STOX2: variants seen among roughly 807,000 people sequenced by gnomAD.
STOX2 encodes the protein storkhead box 2, also known as storkhead-box protein 2.
In STOX2, 28 loss-of-function variants were observed where a neutral mutation model predicts 60.9. The ratio of observed to expected loss-of-function variants is 0.46; its 90% CI spans 0.34 to 0.63. The LOEUF is 0.63. Among genes scored for constraint, STOX2 ranks in the 30% least tolerant of loss-of-function variants. The pLI is 0.01. For missense variants in STOX2, 1,024 were observed against 1,187.7 expected (o/e 0.86, Z 2.03); for synonymous variants, 472 against 463.9 (o/e 1.02, Z -0.22).
chr4:183,932,748 C>A (rs115654471), intron 1 of STOX2, among the ~76,000 whole-genome samples: 10 of 152,170 alleles, frequency 6.6e-5, no homozygotes, highest in Non-Finnish European at 1.2e-4. Flanking sequence ...GTTGAAGCAG[C>A]TGAAGTTTGG....
intron 1 of STOX2, among the ~76,000 whole-genome samples, chr4:183,884,754 A>C (rs993534325): frequency 6.6e-6 from 1 of 152,102 alleles, no homozygotes; most frequent in African/African-American, 2.4e-5. Flanking sequence ...TGTCCTCATC[A>C]CTTGTCTGTT....
At chr4:183,897,077 T>C (rs373314865) in intron 1 of STOX2, among the ~76,000 whole-genome samples, 10 of 152,328 alleles carry the variant, frequency 6.6e-5, no homozygotes, top group Admixed American at 3.3e-4. Context: ...CACTGCGGTT[T>C]CCCTGGGGCA....
Position 183,831,599 on chromosome 4 carries a change from CAATT to C in STOX2, c.364+33548_364+33551del, listed in dbSNP as rs541669807. The stretch of plus-strand genomic sequence containing the variant: ...TATTAGAATTTTGTGGTACAGTAAA[CAATT>C]AATCAACTTCTAGTTTATAAAAAAT... On this transcript the variant is annotated intron_variant, in intron 1 of 2. Coordinates refer to the STOX2 transcript ENST00000513034. Among the ~76,000 whole-genome samples, 12 of 150,194 alleles carry C rather than the reference CAATT, an allele frequency of 8.0e-5. No homozygotes were observed. In the East Asian group the frequency reaches 1.4e-3, roughly 17 times the overall value.
At chr4:183,967,085 G>A (rs905536051) in intron 1 of STOX2, among the ~76,000 whole-genome samples, 4 of 152,138 alleles carry the variant, frequency 2.6e-5, no homozygotes, top group Admixed American at 2.6e-4. Flanking sequence ...GAGAGGGGCT[G>A]GGCACGGTGG....
At chr4:183,841,179 GTATTTATTTATTTATTTATT>G (rs1553967298) in intron 1 of STOX2, among the ~76,000 whole-genome samples, 399 of 147,996 alleles carry the variant, frequency 2.7e-3, no homozygotes, top group African/African-American at 9.6e-3. Context: ...TTTCATCGTA[GTATTTATTTATTTATTTATT>G]TATTTATTTA....
chr4:183,842,957 A>G (rs556513952), intron 1 of STOX2, among the ~76,000 whole-genome samples: 9 of 152,160 alleles, frequency 5.9e-5, no homozygotes, highest in East Asian at 1.9e-4. Flanking sequence ...AGACCAGCCT[A>G]GCCAAGATGG....
intron 1 of STOX2, among the ~76,000 whole-genome samples, chr4:183,993,091 G>GGCACTTGGCCAGGGC (rs1465101406): frequency 6.6e-6 from 1 of 152,230 alleles, no homozygotes; most frequent in African/African-American, 2.4e-5. Flanking sequence ...TGGGGAAGGT[G>GGCACTTGGCCAGGGC]GCTCTTGGCC....
At chr4:183,984,503 C>T (rs1732769592) in intron 1 of STOX2, among the ~76,000 whole-genome samples, 2 of 152,198 alleles carry the variant, frequency 1.3e-5, no homozygotes, top group South Asian at 2.1e-4. Flanking sequence ...TCCATATGTA[C>T]ACAACCTTAA....
At chr4:183,837,931 G>A (rs1739755827) in intron 1 of STOX2, among the ~76,000 whole-genome samples, 1 of 152,092 alleles carries the variant, frequency 6.6e-6, no homozygotes, top group African/African-American at 2.4e-5. Flanking sequence ...GTGCAGATGT[G>A]GGTGTCTGTT....
chr4:183,891,369 T>C (rs1402657508), intron 1 of STOX2, among the ~76,000 whole-genome samples: 2 of 11,206 alleles, frequency 1.8e-4, no homozygotes, highest in Non-Finnish European at 3.5e-4. Context: ...TATATATATA[T>C]ATATATATAT....
intron 1 of STOX2, among the ~76,000 whole-genome samples, chr4:183,842,677 C>T (rs181758831): frequency 2.6e-5 from 4 of 152,190 alleles, no homozygotes; most frequent in Non-Finnish European, 5.9e-5. Flanking sequence ...TTTCATTTCA[C>T]GACATAGTGC....
At chr4:183,834,622 C>G (rs1162741433) in intron 1 of STOX2, among the ~76,000 whole-genome samples, 1 of 152,146 alleles carries the variant, frequency 6.6e-6, no homozygotes, top group Non-Finnish European at 1.5e-5. Flanking sequence ...AGTTGTCGCT[C>G]AGAATAGTCA....
rs766209874 is a variant in STOX2, at chr4:184,001,455, G to A, written c.297G>A (p.Glu99=). 5 of 1,613,818 alleles carry A rather than the reference G, an allele frequency of 3.1e-6. No individual in the cohort carries two copies. Among genetic ancestry groups the A allele is most frequent in the Non-Finnish European group, 3.4e-6 (4 of 1,179,860 alleles). ...RKPVTQEALM[E]HLTTCFPGVP... Reference sequence around the variant, plus strand: ...CTGTCACCCAAGAAGCACTGATGGAGCACCTGACCACGTGCTTCCCAGGTA... The same window carrying A: ...CTGTCACCCAAGAAGCACTGATGGAACACCTGACCACGTGCTTCCCAGGTA... The change falls in exon 2 of 4, where the codon GAG becomes GAA. Residue 99 remains glutamate, a synonymous_variant. Coordinates refer to ENST00000308497, the MANE Select transcript of STOX2 (RefSeq NM_020225.3). This position sits in a 1 kb window ranked among gnomAD's most constrained non-coding sequence, Gnocchi z 4.2.
In STOX2 at chr4:183,940,497, C is replaced by T. The variant is rs1742725758; in HGVS notation, c.166+33541C>T. On this transcript the variant is annotated intron_variant, in intron 1 of 3. Coordinates refer to ENST00000308497, the MANE Select transcript of STOX2 (RefSeq NM_020225.3). ...ACGTGGGAATTACCTGGGGCATGGC[C>T]ACCCCTCTTCCTGCTCCACACTGAT... Among the ~76,000 whole-genome samples, 6 of 152,096 alleles carry T rather than the reference C, an allele frequency of 3.9e-5. No homozygotes were observed. In the South Asian group the frequency reaches 1.2e-3, roughly 32 times the overall value.
At position 184,001,553 on chromosome 4, in the gene STOX2, GC is replaced by G; in HGVS notation, c.319+79del. ...CTCTAGGACTCACGTGGACTGTTCT[GC>G]CCATGTTTAAAGAGAATAGGAAAAC... On this transcript the variant is annotated intron_variant, in intron 2 of 3. Coordinates refer to ENST00000308497, the MANE Select transcript of STOX2 (RefSeq NM_020225.3). This position sits in a 1 kb window ranked among gnomAD's most constrained non-coding sequence, Gnocchi z 4.2. The G allele has an allele frequency of 7.0e-7, 1 of 1,420,606 alleles. No homozygotes were observed. Among genetic ancestry groups the G allele is most frequent in the Non-Finnish European group, 9.6e-7 (1 of 1,037,744 alleles). The allele number at this position is 1,420,606 out of a possible 1,614,324, so 88.0% of individuals were successfully genotyped here.
At position 184,023,249 on chromosome 4, in the gene STOX2, T is replaced by C. The variant is rs1365917112; in HGVS notation, c.*5965T>C. 1 of 152,218 alleles carries C rather than the reference T, an allele frequency of 6.6e-6. No homozygotes were observed. Among genetic ancestry groups the C allele is most frequent in the Non-Finnish European group, 1.5e-5 (1 of 68,038 alleles). The allele number at this position is 152,218 out of a possible 1,614,324, so 9.4% of individuals were successfully genotyped here. ...TGTATAGTATTTCATATGAAATAAT[T>C]ACAGTTCATGAAATGTCTTCCCTAA... is the stretch of plus-strand genomic sequence containing the variant. On this transcript the variant is annotated 3_prime_UTR_variant, in exon 4 of 4. Coordinates refer to ENST00000308497, the MANE Select transcript of STOX2 (RefSeq NM_020225.3).
chr4:183,976,724 G>A (rs371390659), intron 1 of STOX2, among the ~76,000 whole-genome samples: 52 of 152,276 alleles, frequency 3.4e-4, no homozygotes, highest in African/African-American at 1.2e-3. Flanking sequence ...TGAAGAAAAA[G>A]AAACCTGTAG....
chr4:183,889,494 G>A (rs754513366), intron 1 of STOX2, among the ~76,000 whole-genome samples: 8 of 152,342 alleles, frequency 5.3e-5, no homozygotes, highest in Non-Finnish European at 1.2e-4. Flanking sequence ...GACAGTTTCC[G>A]CTGTGTAAGC....
chr4:183,988,938 C>T (rs1398908518), intron 1 of STOX2, among the ~76,000 whole-genome samples: 4 of 152,184 alleles, frequency 2.6e-5, no homozygotes, highest in Non-Finnish European at 4.4e-5. Context: ...CCGCTCCTCC[C>T]GCAGCCTCAA....
Sources: allele counts gnomAD v4.1 joint callset (sites outside exome capture counted in the v4.1 genomes callset), GRCh38; gene constraint gnomAD v4.1.1; non-coding constraint Gnocchi (gnomAD v3.1); transcripts MANE v1.5; gene names NCBI Gene and HGNC (gene_info 2026-07-23, HGNC 2026-07-21).